MBD5: variants seen among roughly 807,000 people sequenced by gnomAD.
The protein encoded by MBD5 is methyl-CpG binding domain protein 5.
In MBD5, 13 loss-of-function variants were observed where a neutral mutation model predicts 117.3. The ratio of observed to expected loss-of-function variants is 0.11; its 90% CI spans 0.07 to 0.18. The LOEUF is 0.18. Among genes scored for constraint, MBD5 ranks in the 10% least tolerant of loss-of-function variants. The pLI, the probability that MBD5 is intolerant of heterozygous loss-of-function variation, is 1.00. For missense variants in MBD5, 1,879 were observed against 2,093.8 expected (o/e 0.90, Z 2.00); for synonymous variants, 727 against 766.4 (o/e 0.95, Z 0.85).
At chr2:148,365,014 C>A (rs1302416751) in intron 4 of MBD5, among the ~76,000 whole-genome samples, 4 of 152,158 alleles carry the variant, frequency 2.6e-5, no homozygotes, top group African/African-American at 4.8e-5. Context: ...GAACTCTCCA[C>A]CCCAAATCAA....
intron 3 of MBD5, among the ~76,000 whole-genome samples, chr2:148,315,545 A>G (rs909425803): frequency 3.9e-5 from 6 of 152,162 alleles, no homozygotes; most frequent in African/African-American, 1.4e-4. Flanking sequence ...TGAGGTATAT[A>G]TTTCTACTTG....
chr2:148,363,200 G>A (rs1703591055), intron 4 of MBD5, among the ~76,000 whole-genome samples: 1 of 152,094 alleles, frequency 6.6e-6, no homozygotes, highest in South Asian at 2.1e-4. Context: ...CCGAGCTAAA[G>A]GAGCATATTC....
chr2:148,271,653 GC>G (rs1387721471), intron 3 of MBD5, among the ~76,000 whole-genome samples: 108 of 152,014 alleles, frequency 7.1e-4, no homozygotes, highest in Non-Finnish European at 1.4e-3. Flanking sequence ...TTTCCACTCT[GC>G]CTTTTATTAT....
At chr2:148,334,185 T>C (rs4972279) in intron 3 of MBD5, among the ~76,000 whole-genome samples, 32,849 of 152,048 alleles carry the variant, frequency 0.22, 4,142 homozygotes, top group East Asian at 0.54. Context: ...GAAATTGTAG[T>C]ACAAAATTGC....
chr2:148,304,872 C>G (rs1701853918), intron 3 of MBD5, among the ~76,000 whole-genome samples: 2 of 151,970 alleles, frequency 1.3e-5, no homozygotes, highest in South Asian at 4.2e-4. Context: ...ACCATCCCGG[C>G]TAAAAAAACG....
In MBD5 at chr2:148,483,691, G is replaced by A; in HGVS notation, c.3100G>A (p.Asp1034Asn). 1.3e-6 allele frequency: 2 copies of A among 1,550,584 alleles called. No homozygotes were observed. Among genetic ancestry groups the A allele is most frequent in the South Asian group, 1.2e-5 (1 of 84,064 alleles). ...PSLTQMTAPP[D>N]HLPSNQSDNS... is the part of the protein sequence containing the mutation. ...ATTAACACAGATGACAGCCCCACCA[G>A]ACCATTTGCCAAGCAATCAGTCAGA... The change falls in exon 9 of 14, where the codon GAC becomes AAC. Residue 1034 changes from aspartate to asparagine, a missense_variant. Coordinates refer to ENST00000642680, the MANE Select transcript of MBD5 (RefSeq NM_001378120.1).
At chr2:148,390,702 A>T (rs767406953) in intron 4 of MBD5, among the ~76,000 whole-genome samples, 1 of 151,706 alleles carries the variant, frequency 6.6e-6, no homozygotes, top group African/African-American at 2.4e-5. Flanking sequence ...CATCCTCCCA[A>T]GTAGCTGGCA....
intron 1 of MBD5, among the ~76,000 whole-genome samples, chr2:148,135,141 G>A (rs1697141785): frequency 6.6e-6 from 1 of 152,118 alleles, no homozygotes. Context: ...GCTGTAACTT[G>A]TTTCTTCTGG....
At chr2:148,244,607 A>C (rs1033485268) in intron 3 of MBD5, among the ~76,000 whole-genome samples, 40 of 152,162 alleles carry the variant, frequency 2.6e-4, no homozygotes, top group African/African-American at 9.4e-4. Flanking sequence ...TTTACTTTTT[A>C]AAAAAGTATT....
chr2:148,224,817 CT>C (rs1699780159), intron 2 of MBD5, among the ~76,000 whole-genome samples: 1 of 151,812 alleles, frequency 6.6e-6, no homozygotes, highest in Admixed American at 6.6e-5. Flanking sequence ...AACATAGTGA[CT>C]TTTTTTGTCT....
intron 1 of MBD5, among the ~76,000 whole-genome samples, chr2:148,104,747 T>C (rs1368581285): frequency 6.6e-6 from 1 of 152,170 alleles, no homozygotes; most frequent in East Asian, 1.9e-4. Context: ...TTTAGAGTTA[T>C]GGGCTTTCTG....
chr2:148,065,306 C>T (rs1443640025), intron 1 of MBD5, among the ~76,000 whole-genome samples: 1 of 151,992 alleles, frequency 6.6e-6, no homozygotes, highest in African/African-American at 2.4e-5. Flanking sequence ...TATTTTCCAG[C>T]GTTGTTAAGG....
intron 1 of MBD5, among the ~76,000 whole-genome samples, chr2:148,039,473 C>T (rs1694297152): frequency 6.6e-6 from 1 of 152,048 alleles, no homozygotes; most frequent in South Asian, 2.1e-4. Context: ...TTTGTAAAGT[C>T]ACTTCCTACC....
At chr2:148,207,981 T>C (rs1015212470) in intron 2 of MBD5, among the ~76,000 whole-genome samples, 2 of 152,164 alleles carry the variant, frequency 1.3e-5, no homozygotes, top group Non-Finnish European at 2.9e-5. Flanking sequence ...TATTTTCTTA[T>C]AGTTCTAGGG....
chr2:148,444,170 T>C (rs1706419155), intron 4 of MBD5, among the ~76,000 whole-genome samples: 1 of 151,506 alleles, frequency 6.6e-6, no homozygotes, highest in Non-Finnish European at 1.5e-5. Flanking sequence ...TTTAGCATCA[T>C]AGCCATCTTC....
chr2:148,061,653 CTGTG>C (rs1170686569), intron 1 of MBD5, among the ~76,000 whole-genome samples: 1 of 151,462 alleles, frequency 6.6e-6, no homozygotes, highest in Non-Finnish European at 1.5e-5. Context: ...TGTGTGTCAT[CTGTG>C]TGTGTAATAC....
chr2:148,276,999 C>A (rs1312777169), intron 3 of MBD5, among the ~76,000 whole-genome samples: 1 of 152,160 alleles, frequency 6.6e-6, no homozygotes, highest in Non-Finnish European at 1.5e-5. Flanking sequence ...AGTTGTGGTA[C>A]TTTTGGCTCT....
chr2:148,197,801 T>TTG lies in MBD5; in HGVS notation c.-831+19009_-831+19010insGT, dbSNP rs796434415. Among the ~76,000 whole-genome samples the TTG allele has an allele frequency of 1.5e-3, 195 of 133,018 alleles. 1 individual carries two copies. The highest frequency in any genetic ancestry group is 4.8e-3 in the African/African-American group (175 of 36,682). The allele number at this position is 133,018 out of a possible 152,430, so 87.3% of individuals were successfully genotyped here. On this transcript the variant is annotated intron_variant, in intron 2 of 13. Transcript: ENST00000642680. ...TGTGTCATAGCATCTGAGGTTTTTT[T>TTG]TTTTGTTTTTTTTTTTGTTTTTTTT...
At chr2:148,100,794 C>A (rs928479909) in intron 1 of MBD5, among the ~76,000 whole-genome samples, 1 of 152,142 alleles carries the variant, frequency 6.6e-6, no homozygotes, top group Non-Finnish European at 1.5e-5. Flanking sequence ...TTGCCATACT[C>A]TTTTGGTTGG....
Sources: gnomAD v4.1 joint callset for allele counts (sites outside exome capture counted in the v4.1 genomes callset) on GRCh38, gnomAD v4.1.1 for gene constraint, MANE v1.5 for transcripts, NCBI Gene and HGNC (gene_info 2026-07-23, HGNC 2026-07-21) for gene names.